The following L3MBTL3 variants were observed in gnomAD, a reference collection of about 807,000 sequenced individuals.
The protein encoded by L3MBTL3 is L3MBTL histone methyl-lysine binding protein 3.
In L3MBTL3, 27 loss-of-function variants were observed where a neutral mutation model predicts 102.3. The ratio of observed to expected loss-of-function variants is 0.26; its 90% CI spans 0.19 to 0.36. The LOEUF (loss-of-function observed/expected upper bound fraction) is 0.36, where lower values mean the gene tolerates loss of function less well. L3MBTL3 is among the 10% of genes least tolerant of loss of function. The pLI, the probability that L3MBTL3 is intolerant of heterozygous loss-of-function variation, is 1.00. For synonymous variants in L3MBTL3, 340 were observed against 320.9 expected, an observed-to-expected ratio of 1.06 and a Z score of -0.64; for missense variants, 798 against 955.3, an observed-to-expected ratio of 0.84 and a Z score of 2.17.
chr6:130,068,250 A>G, intron 11 of L3MBTL3, 80 bp from the exon 12 acceptor site: 1 of 685,834 alleles, frequency 1.5e-6, no homozygotes. Flanking sequence ...TTGGCATGTT[A>G]GAGATAAAAG....
chr6:130,096,384 T>A (rs1222417815), intron 18 of L3MBTL3, among the ~76,000 whole-genome samples: 1 of 152,240 alleles, frequency 6.6e-6, no homozygotes, highest in Non-Finnish European at 1.5e-5. Flanking sequence ...TACAAAGTGT[T>A]CATTGGAGCA....
Position 130,086,142 on chromosome 6 carries a change from A to G in L3MBTL3, c.1410A>G (p.Lys470=). The G allele has an allele frequency of 6.2e-7, 1 of 1,609,584 alleles. No homozygotes were observed. Among genetic ancestry groups the G allele is most frequent in the African/African-American group, 1.3e-5 (1 of 74,712 alleles). Reference sequence around the variant, plus strand: ...TGTAAAATTTTTTTTTGTGGCAGAAACCTCCTCATGGATTCCAGAAAAAAA... The same window carrying G: ...TGTAAAATTTTTTTTTGTGGCAGAAGCCTCCTCATGGATTCCAGAAAAAAA... ...LPAPARAFKV[K]PPHGFQKKMK... Residue 470 remains lysine, a splice_region_variant and synonymous_variant, in exon 16 of 23, where the codon AAA becomes AAG. Transcript: ENST00000361794.
At chr6:130,024,516 A>G (rs928251660) in intron 2 of L3MBTL3, among the ~76,000 whole-genome samples, 9 of 152,156 alleles carry the variant, frequency 5.9e-5, no homozygotes, top group African/African-American at 2.2e-4. Context: ...TTGAGAGTTG[A>G]TTCTTAAAGA....
intron 2 of L3MBTL3, among the ~76,000 whole-genome samples, chr6:130,033,573 C>T (rs1020285254): frequency 6.6e-6 from 1 of 152,118 alleles, no homozygotes; most frequent in Non-Finnish European, 1.5e-5. Context: ...AGATACACTG[C>T]CCTTTTAACC....
chr6:130,026,175 A>G (rs997793525), intron 2 of L3MBTL3, among the ~76,000 whole-genome samples: 1 of 152,208 alleles, frequency 6.6e-6, no homozygotes, highest in African/African-American at 2.4e-5. Flanking sequence ...AAGATCAAGC[A>G]TTAAGCTAGA....
chr6:130,091,585 C>T (rs556018893), intron 16 of L3MBTL3, among the ~76,000 whole-genome samples: 4 of 151,960 alleles, frequency 2.6e-5, no homozygotes, highest in African/African-American at 9.7e-5. Flanking sequence ...TTCACACTAG[C>T]TAAGATATGG....
chr6:130,110,347 A>G (rs1003515771), intron 19 of L3MBTL3, among the ~76,000 whole-genome samples: 1 of 151,580 alleles, frequency 6.6e-6, no homozygotes, highest in Non-Finnish European at 1.5e-5. Context: ...AATGTTGTCC[A>G]TTTGTGTCCT....
intron 1 of L3MBTL3, among the ~76,000 whole-genome samples, chr6:130,020,225 C>T (rs1461859412): frequency 6.7e-6 from 1 of 149,512 alleles, no homozygotes; most frequent in Non-Finnish European, 1.5e-5. Context: ...GTCCTCGCGC[C>T]GCGGCGGCGG....
chr6:130,022,076 TA>T (rs1779054018), intron 1 of L3MBTL3, among the ~76,000 whole-genome samples, 150 bp from the exon 2 acceptor site: 1 of 152,222 alleles, frequency 6.6e-6, no homozygotes, highest in Non-Finnish European at 1.5e-5. Flanking sequence ...AGAACCAGCT[TA>T]TTTTATTTTA....
chr6:130,126,570 A>G lies in L3MBTL3; in HGVS notation c.1966+5612A>G, dbSNP rs529042919. 1.5e-4 allele frequency among the ~76,000 whole-genome samples: 23 copies of G among 152,268 alleles called. No individual in the cohort carries two copies. In the South Asian group the frequency reaches 4.4e-3, roughly 29 times the overall value. ...TTTATTTCAGGATCATCTTTATTTG[A>G]AAAGTCTTTTTACAAAGGTATTTTC... On this transcript the variant is annotated intron_variant, in intron 20 of 22. Transcript: ENST00000361794.
chr6:130,043,385 C>G (rs1468500072), intron 3 of L3MBTL3, among the ~76,000 whole-genome samples: 1 of 152,194 alleles, frequency 6.6e-6, no homozygotes, highest in African/African-American at 2.4e-5. Context: ...ATACTTCAGT[C>G]TGCTGCTTTT....
At chr6:130,088,158 A>C (rs549277780) in intron 16 of L3MBTL3, among the ~76,000 whole-genome samples, 1 of 152,226 alleles carries the variant, frequency 6.6e-6, no homozygotes, top group East Asian at 1.9e-4. Context: ...AGTCCATAAC[A>C]CCCCAGAAAT....
intron 16 of L3MBTL3, among the ~76,000 whole-genome samples, chr6:130,089,419 G>A (rs1297341254): frequency 6.6e-6 from 1 of 151,976 alleles, no homozygotes; most frequent in Admixed American, 6.6e-5. Context: ...TGGCTGCATA[G>A]TATTCCATGG....
intron 1 of L3MBTL3, chr6:130,019,486 G>T (rs531082609): frequency 1.3e-5 from 2 of 152,004 alleles, no homozygotes; most frequent in Non-Finnish European, 1.5e-5. Context: ...GAGGCAGTGG[G>T]AAAAGAGGCC....
At chr6:130,075,252 G>A (rs1782877468) in intron 13 of L3MBTL3, among the ~76,000 whole-genome samples, 1 of 152,154 alleles carries the variant, frequency 6.6e-6, no homozygotes, top group African/African-American at 2.4e-5. Context: ...ACTTGGAGGG[G>A]TGATGGCACT....
intron 14 of L3MBTL3, among the ~76,000 whole-genome samples, chr6:130,080,071 A>G (rs1478319087): frequency 6.6e-6 from 1 of 151,780 alleles, no homozygotes; most frequent in Non-Finnish European, 1.5e-5. Context: ...CCTGGGTAAC[A>G]TAGTGAGACC....
intron 3 of L3MBTL3, among the ~76,000 whole-genome samples, chr6:130,043,888 T>G (rs1780578001): frequency 6.6e-6 from 1 of 152,174 alleles, no homozygotes; most frequent in African/African-American, 2.4e-5. Context: ...TGAGTTTAGT[T>G]TAACAAAAAT....
chr6:130,140,472 T>C lies in L3MBTL3; in HGVS notation c.*719T>C, dbSNP rs897506208. Reference sequence around the variant, plus strand: ...AAAAGAATGAAATTGAAAAATAAAATATATAAACATAAATAAATTAGGTAG... The same window carrying C: ...AAAAGAATGAAATTGAAAAATAAAACATATAAACATAAATAAATTAGGTAG... On this transcript the variant is annotated 3_prime_UTR_variant, in exon 23 of 23. Transcript: ENST00000361794. 2 of 152,612 alleles carry C rather than the reference T, an allele frequency of 1.3e-5. No individual in the cohort carries two copies. Among genetic ancestry groups the C allele is most frequent in the Admixed American group, 1.3e-4 (2 of 15,274 alleles). 9.5% of individuals were successfully genotyped at this position (152,612 alleles called of 1,614,324 possible). A position where few individuals can be genotyped will look rare whatever the true frequency, so the allele number is the denominator to read the frequency against.
At chr6:130,129,958 T>C (rs1255133828) in intron 20 of L3MBTL3, among the ~76,000 whole-genome samples, 1 of 152,224 alleles carries the variant, frequency 6.6e-6, no homozygotes, top group Non-Finnish European at 1.5e-5. Flanking sequence ...CAAATGAAGC[T>C]GCTTTCTTTA....
Sources: allele counts gnomAD v4.1 joint callset (sites outside exome capture counted in the v4.1 genomes callset), GRCh38; gene constraint gnomAD v4.1.1; transcripts MANE v1.5; gene names NCBI Gene and HGNC (gene_info 2026-07-23, HGNC 2026-07-21).